Variants in EIF3G observed in about 807,000 individuals in gnomAD.
The protein encoded by EIF3G is eukaryotic translation initiation factor 3 subunit G, also known as eukaryotic translation initiation factor 3 RNA-binding subunit.
A neutral mutation model predicts 41.7 loss-of-function variants in EIF3G; 10 were observed. The observed-to-expected ratio is 0.24, with a 90% CI of 0.15 to 0.41. The LOEUF (loss-of-function observed/expected upper bound fraction) is 0.41, where lower values mean the gene tolerates loss of function less well. Among genes scored for constraint, EIF3G ranks in the 10% least tolerant of loss-of-function variants. The probability of loss-of-function intolerance (pLI) is 1.00; values close to 1 mark genes in which losing one functional copy is unlikely to be tolerated. For synonymous variants in EIF3G, 204 were observed against 172.5 expected, an observed-to-expected ratio of 1.18 and a Z score of -1.43; for missense variants, 297 against 444.0, an observed-to-expected ratio of 0.67 and a Z score of 2.98.
In EIF3G at chr19:10,115,821, CTG is replaced by C; in HGVS notation, c.704-3_704-2del. 6.2e-7 allele frequency: 1 copy of C among 1,612,072 alleles called. No individual in the cohort carries two copies. Among genetic ancestry groups the C allele is most frequent in the East Asian group, 2.2e-5 (1 of 44,876 alleles). On this transcript the variant is annotated splice_acceptor_variant and splice_polypyrimidine_tract_variant and intron_variant, in intron 8 of 10. Transcript: ENST00000253108. LOFTEE classifies it high-confidence loss of function. The stretch of plus-strand genomic sequence containing the variant: ...ACACGGATGGTGGCGTTGTCGTCGG[CTG>C]TGTGGGAGAGGGGAGGTGGCTGTGA...
chr19:10,118,305 C>T (rs892521439), intron 5 of EIF3G: 1 of 291,672 alleles, frequency 3.4e-6, no homozygotes, highest in Non-Finnish European at 6.6e-6. Context: ...ATGGCTCACA[C>T]CTGTAATCCC....
At chr19:10,117,223 C>T (rs373696699) in intron 5 of EIF3G, 35 bp from the exon 6 acceptor site, 218 of 1,532,974 alleles carry the variant, frequency 1.4e-4, no homozygotes, top group Non-Finnish European at 1.9e-4. Flanking sequence ...CAGTTGAGGG[C>T]AGGGGCAGGC....
At position 10,118,714 on chromosome 19, in the gene EIF3G, A is replaced by C. The variant is rs1287179891; in HGVS notation, c.254T>G (p.Phe85Cys). ...TGAAGCCTTCCGGGTCTCAATCCTGAAGGTGCGGACAATCTGAGGATGGGA... is the reference window on the plus strand; with the variant it reads ...TGAAGCCTTCCGGGTCTCAATCCTGCAGGTGCGGACAATCTGAGGATGGGA... ...DGKKFKIVRT[F>C]RIETRKASKA... Residue 85 changes from phenylalanine (F) to cysteine (C), a missense_variant, in exon 5 of 11, where the codon TTC (phenylalanine) becomes TGC (cysteine). Transcript: ENST00000253108. 6.2e-7 allele frequency: 1 copy of C among 1,613,972 alleles called. No homozygotes were observed.
chr19:10,115,265 C>T, intron 10 of EIF3G, 136 bp from the exon 11 acceptor site: 1 of 1,247,218 alleles, frequency 8.0e-7, no homozygotes, highest in Non-Finnish European at 1.1e-6. Flanking sequence ...GCCAGATGGC[C>T]AGTCTCCAGG....
At position 10,115,677 on chromosome 19, in the gene EIF3G, T is replaced by C. The variant is rs778229939; in HGVS notation, c.840+7A>G. On this transcript the variant is annotated splice_region_variant and intron_variant, in intron 9 of 10. Coordinates refer to ENST00000253108, the MANE Select transcript of EIF3G (RefSeq NM_003755.5). ...CACAGCCCCACCGTGCCTGCCTGCC[T>C]GCCCACCTTGGATTGGCCAGTGGTC... 3.1e-6 allele frequency: 5 copies of C among 1,595,126 alleles called. No individual in the cohort carries two copies. The highest frequency in any genetic ancestry group is 1.7e-4 in the Middle Eastern group (1 of 6,040).
chr19:10,116,118 G>A lies in EIF3G; in HGVS notation c.596-44C>T. The A allele has an allele frequency of 2.5e-6, 4 of 1,586,918 alleles. No individual in the cohort carries two copies. Among genetic ancestry groups the A allele is most frequent in the Non-Finnish European group, 3.4e-6 (4 of 1,161,756 alleles). On this transcript the variant is annotated intron_variant, in intron 7 of 10. Coordinates refer to ENST00000253108, the MANE Select transcript of EIF3G (RefSeq NM_003755.5). The surrounding 1 kb of genome is among the most constrained non-coding windows in gnomAD (Gnocchi z 4.1). The stretch of plus-strand genomic sequence containing the variant: ...TCAAGTTCAACCTCACTGTGGCGCA[G>A]GCGTGGGGACAGAGCCGCCCCAGGA...
chr19:10,115,221 G>A (rs1290762993), intron 10 of EIF3G, 92 bp from the exon 11 acceptor site: 45 of 1,516,722 alleles, frequency 3.0e-5, no homozygotes, highest in Non-Finnish European at 4.0e-5. Context: ...GGTGGGCAGA[G>A]GACGGGGTAA....
In EIF3G at chr19:10,118,578, A is replaced by AG; in HGVS notation, c.300+89_300+90insC. On this transcript the variant is annotated intron_variant, in intron 5 of 10. Transcript: ENST00000253108. Reference sequence around the variant, plus strand: ...ACACTCTGTCTCAAAAAAAAAAAAAAAAAAGAGTTAAGCCCCATCTCTAAA... The same window carrying AG: ...ACACTCTGTCTCAAAAAAAAAAAAAAGAAAAGAGTTAAGCCCCATCTCTAAA... The AG allele has an allele frequency of 2.2e-6, 3 of 1,371,730 alleles. No homozygotes were observed. In the East Asian group the frequency reaches 6.9e-5, roughly 31 times the overall value. 85.0% of individuals were successfully genotyped at this position (1,371,730 alleles called of 1,614,324 possible).
intron 2 of EIF3G, 183 bp downstream of exon 2, chr19:10,119,471 G>T: frequency 1.3e-6 from 1 of 794,108 alleles, no homozygotes; most frequent in Non-Finnish European, 2.1e-6. Context: ...GCAGTGGCAT[G>T]GGAGGAAGAG....
In EIF3G at chr19:10,119,875, C is replaced by T; in HGVS notation, c.-16G>A. 6.2e-7 allele frequency: 1 copy of T among 1,613,936 alleles called. No homozygotes were observed. The highest frequency in any genetic ancestry group is 8.5e-7 in the Non-Finnish European group (1 of 1,179,818). ...CAGTAGGCATCGCAAAAAGTATTCT[C>T]CACGCAGCCCAAGCCCGGCCAGAGA... On this transcript the variant is annotated 5_prime_UTR_variant, in exon 1 of 11. Transcript: ENST00000253108.
At chr19:10,117,307 ATCC>A (rs1196783056) in intron 5 of EIF3G, 119 bp from the exon 6 acceptor site, 4 of 697,460 alleles carry the variant, frequency 5.7e-6, no homozygotes, top group Admixed American at 2.6e-5. Context: ...CCCCATCTTC[ATCC>A]TCCTCAAGCA....
chr19:10,119,773 G>A (rs1475371471), intron 1 of EIF3G, 67 bp downstream of exon 1: 2 of 1,613,958 alleles, frequency 1.2e-6, no homozygotes, highest in African/African-American at 1.3e-5. Context: ...GGCGTACCCA[G>A]GCCCCATAAT....
rs2089245277 is a variant in EIF3G at position 10,116,142 on chromosome 19, G to T, written c.596-68C>A. 7.4e-6 allele frequency: 11 copies of T among 1,493,606 alleles called. No individual in the cohort carries two copies. Among genetic ancestry groups the T allele is most frequent in the Non-Finnish European group, 1.0e-5 (11 of 1,093,332 alleles). The allele number at this position is 1,493,606 out of a possible 1,614,324, so 92.5% of individuals were successfully genotyped here. On this transcript the variant is annotated intron_variant, in intron 7 of 10. Transcript: ENST00000253108. This position sits in a 1 kb window ranked among gnomAD's most constrained non-coding sequence, Gnocchi z 4.1. Reference sequence around the variant, plus strand: ...AGGCGTGGGGACAGAGCCGCCCCAGGAAGCTCGGGCTTCAGTGTTGAGCCA... The same window carrying T: ...AGGCGTGGGGACAGAGCCGCCCCAGTAAGCTCGGGCTTCAGTGTTGAGCCA...
rs199860167 is a variant in EIF3G at position 10,118,885 on chromosome 19, C to A, written c.223G>T (p.Asp75Tyr). 3 of 1,613,878 alleles carry A rather than the reference C, an allele frequency of 1.9e-6. No individual in the cohort carries two copies. Among genetic ancestry groups the A allele is most frequent in the Non-Finnish European group, 2.5e-6 (3 of 1,179,912 alleles). Residue 75 changes from aspartate (D) to tyrosine (Y), a missense_variant, in exon 4 of 11, where the codon GAT becomes TAT. Around this residue, in one of 4 missense-constraint regions of EIF3G, gnomAD observed 147 missense variants for 162.4 expected, o/e 0.91. Transcript: ENST00000253108. ...KTVTEYKIDE[D>Y]GKKFKIVRTF... Reference sequence around the variant, plus strand: ...ACCCTCACCTTGAACTTCTTGCCATCCTCATCTATCTTGTACTCTGTCACT... The same window carrying A: ...ACCCTCACCTTGAACTTCTTGCCATACTCATCTATCTTGTACTCTGTCACT...
Position 10,115,834 on chromosome 19 carries a change from G to A in EIF3G, c.704-14C>T, listed in dbSNP as rs761565482. ...CGTTGTCGTCGGCTGTGTGGGAGAG[G>A]GGAGGTGGCTGTGAGGGGGAGGACA... On this transcript the variant is annotated splice_polypyrimidine_tract_variant and intron_variant, in intron 8 of 10. Coordinates refer to ENST00000253108, the MANE Select transcript of EIF3G (RefSeq NM_003755.5). The A allele has an allele frequency of 1.2e-6, 2 of 1,610,520 alleles. No homozygotes were observed. The highest frequency in any genetic ancestry group is 1.7e-6 in the Non-Finnish European group (2 of 1,179,370).
chr19:10,115,206 G>A (rs2089219838), intron 10 of EIF3G, 77 bp from the exon 11 acceptor site: 1 of 1,573,570 alleles, frequency 6.4e-7, no homozygotes, highest in African/African-American at 1.3e-5. Flanking sequence ...GGCATCTTGG[G>A]GGTGGGTGGG....
chr19:10,119,802 A>G (rs1157872830), intron 1 of EIF3G, 38 bp downstream of exon 1: 1 of 1,614,094 alleles, frequency 6.2e-7, no homozygotes, highest in Non-Finnish European at 8.5e-7. Flanking sequence ...GAGCACCCCA[A>G]CCGCTTCCCG....
intron 5 of EIF3G, chr19:10,118,367 A>G (rs1599327254): frequency 2.7e-6 from 1 of 370,070 alleles, no homozygotes; most frequent in Non-Finnish European, 5.1e-6. Context: ...GGAGTTCGAG[A>G]CCAGCCTGGC....
chr19:10,117,332 G>A, intron 5 of EIF3G, 144 bp from the exon 6 acceptor site: 2 of 625,108 alleles, frequency 3.2e-6, no homozygotes, highest in Non-Finnish European at 2.8e-6. Flanking sequence ...TCCCTGAACA[G>A]TCCTGGCGAC....
Sources: gnomAD v4.1 joint callset for allele counts on GRCh38, gnomAD v4.1.1 for gene constraint, gnomAD v4.1.1 regional missense constraint, Gnocchi (gnomAD v3.1) non-coding constraint, MANE v1.5 for transcripts, NCBI Gene and HGNC (gene_info 2026-07-23, HGNC 2026-07-21) for gene names.